Variants in ITGAD observed in about 807,000 individuals in gnomAD.
ITGAD encodes integrin subunit alpha D.
In ITGAD, 105 loss-of-function variants were observed where a neutral mutation model predicts 139.0. The observed-to-expected ratio is 0.76, with a 90% CI of 0.65 to 0.89. The LOEUF is 0.89. Ranked by LOEUF, ITGAD falls within the 40% of genes least tolerant of loss-of-function variation. The pLI, the probability that ITGAD is intolerant of heterozygous loss-of-function variation, is 0.00. For synonymous variants in ITGAD, 569 were observed against 598.3 expected (o/e 0.95, Z 0.71); for missense variants, 1,384 against 1,487.3 (o/e 0.93, Z 1.14).
chr16:31,414,546 A>C lies in ITGAD; in HGVS notation c.2092A>C (p.Thr698Pro), dbSNP rs538502509. The part of the protein sequence containing the change: ...IFNETKNPTL[T>P]RRKTLGLGIH... ...CAATGAAACCAAGAACCCCACTTTGACTCGAAGAAAAACCCTGGGACTGGG... is the reference window on the plus strand; with the variant it reads ...CAATGAAACCAAGAACCCCACTTTGCCTCGAAGAAAAACCCTGGGACTGGG... The change falls in exon 17 of 30, where the codon ACT (threonine) becomes CCT (proline). Residue 698 changes from threonine to proline, a missense_variant. Transcript: ENST00000389202. 7.4e-6 allele frequency: 12 copies of C among 1,614,130 alleles called. No homozygotes were observed. In the South Asian group the frequency reaches 1.3e-4, roughly 18 times the overall value.
At position 31,407,719 on chromosome 16, in the gene ITGAD, G is replaced by T. The variant is rs779114202; in HGVS notation, c.859-47G>T. ...CAGGCTCAGCCTGCATCTCCTTCAG[G>T]TGCAGTGCTGCTGGGCTCATCCTCC... On this transcript the variant is annotated intron_variant, in intron 8 of 29. Coordinates refer to ENST00000389202, the MANE Select transcript of ITGAD (RefSeq NM_005353.3). 4 of 1,613,132 alleles carry T rather than the reference G, an allele frequency of 2.5e-6. No individual in the cohort carries two copies. The Admixed American group carries it at 6.7e-5, about 27-fold the overall frequency.
chr16:31,420,979 C>A (rs2142840085), intron 23 of ITGAD, among the ~76,000 whole-genome samples: 1 of 152,274 alleles, frequency 6.6e-6, no homozygotes. Flanking sequence ...TTTCTATCCA[C>A]AGGAAAATAC....
intron 3 of ITGAD, 42 bp downstream of exon 3, chr16:31,397,504 A>G (rs2142584736): frequency 6.3e-7 from 1 of 1,579,904 alleles, no homozygotes; most frequent in East Asian, 2.3e-5. Flanking sequence ...ACCCTCCTGG[A>G]CCCAACTGTG....
intron 2 of ITGAD, among the ~76,000 whole-genome samples, chr16:31,395,452 G>A (rs980094208): frequency 1.3e-4 from 20 of 152,182 alleles, no homozygotes; most frequent in Non-Finnish European, 2.9e-4. Context: ...CCATGTGGGA[G>A]CAATGACCGC....
chr16:31,397,696 T>TGGGGGGGGGGGGG, intron 4 of ITGAD, 30 bp downstream of exon 4: 2 of 209,020 alleles, frequency 9.6e-6, no homozygotes, highest in Non-Finnish European at 1.6e-5. Flanking sequence ...CACGGGGGGG[T>TGGGGGGGGGGGGG]GGGGTGGGGC....
chr16:31,398,257 TACAAA>T (rs59039979), intron 5 of ITGAD, among the ~76,000 whole-genome samples: 4 of 148,956 alleles, frequency 2.7e-5, no homozygotes, highest in Admixed American at 1.3e-4. Context: ...CTACTAAAAA[TACAAA>T]ACAAAACAAA....
At chr16:31,421,006 C>T (rs543790010) in intron 23 of ITGAD, among the ~76,000 whole-genome samples, 1 of 152,292 alleles carries the variant, frequency 6.6e-6, no homozygotes, top group East Asian at 1.9e-4. Context: ...TAAGAGCTTA[C>T]AGTTATATAT....
rs752658398 is a variant in ITGAD, at chr16:31,416,592, G to A, written c.2445G>A (p.Val815=). Residue 815 remains valine (V), a synonymous_variant, in exon 20 of 30, where the codon GTG becomes GTA. Transcript: ENST00000389202. ...WNAGEDSYGT[V]VSLYYPAGLS... ...CAGGTGAGGATTCCTACGGAACCGTGGTCAGCCTCTACTATCCAGCAGGGC... is the reference window on the plus strand; with the variant it reads ...CAGGTGAGGATTCCTACGGAACCGTAGTCAGCCTCTACTATCCAGCAGGGC... 6.2e-7 allele frequency: 1 copy of A among 1,613,860 alleles called. No homozygotes were observed. The highest frequency in any genetic ancestry group is 8.5e-7 in the Non-Finnish European group (1 of 1,179,822).
intron 1 of ITGAD, 151 bp from the exon 2 acceptor site, chr16:31,394,085 C>T (rs1040894840): frequency 9.5e-5 from 47 of 493,228 alleles, no homozygotes; most frequent in Non-Finnish European, 1.3e-4. Context: ...GAGCTGAGAT[C>T]GTGCCGTTGC....
chr16:31,411,940 T>C lies in ITGAD; in HGVS notation c.1707+423T>C, dbSNP rs533195829. 3.9e-5 allele frequency among the ~76,000 whole-genome samples: 6 copies of C among 152,350 alleles called. No homozygotes were observed. In the South Asian group the frequency reaches 8.3e-4, roughly 21 times the overall value. On this transcript the variant is annotated intron_variant, in intron 14 of 29. Transcript: ENST00000389202. ...CATGAGTGACCTGACCAGTGATGAATACACAAATATATTATACGCCTATTG... is the reference window on the plus strand; with the variant it reads ...CATGAGTGACCTGACCAGTGATGAACACACAAATATATTATACGCCTATTG...
chr16:31,407,327 G>A (rs1436283278), intron 7 of ITGAD, among the ~76,000 whole-genome samples, 188 bp from the exon 8 acceptor site: 1 of 152,126 alleles, frequency 6.6e-6, no homozygotes, highest in Non-Finnish European at 1.5e-5. Context: ...GCACTCCAGA[G>A]CCTGGGCATC....
In ITGAD at chr16:31,403,718, T is replaced by C; in HGVS notation, c.704+73T>C. The C allele has an allele frequency of 1.3e-6, 2 of 1,572,614 alleles. No individual in the cohort carries two copies. The highest frequency in any genetic ancestry group is 2.3e-5 in the South Asian group (2 of 88,432). ...TCCTAACCCTGGGTCAGCACAGCTC[T>C]TCTCAGAGGCTGAGGGAGGCTCCAG... On this transcript the variant is annotated intron_variant, in intron 7 of 29. Coordinates refer to ENST00000389202, the MANE Select transcript of ITGAD (RefSeq NM_005353.3). This position sits in a 1 kb window ranked among gnomAD's most constrained non-coding sequence, Gnocchi z 4.4.
chr16:31,414,959 G>A lies in ITGAD; in HGVS notation c.2251G>A (p.Ala751Thr), dbSNP rs149561058. The change falls in exon 18 of 30, where the codon GCC (alanine) becomes ACC (threonine). Residue 751 changes from alanine (A) to threonine (T), a missense_variant. Coordinates refer to ENST00000389202, the MANE Select transcript of ITGAD (RefSeq NM_005353.3). ...CCCCCAGAACCTGCGTCCTGTGCTG[G>A]CCGTGGGCTCACAAGACCTCTTCAC... ...PSPQNLRPVL[A>T]VGSQDLFTAS... The A allele has an allele frequency of 4.1e-5, 66 of 1,614,026 alleles. 1 individual carries two copies. The African/African-American group carries it at 7.5e-4, about 18-fold the overall frequency.
chr16:31,408,125 C>T (rs1385499340), intron 9 of ITGAD, among the ~76,000 whole-genome samples: 3 of 152,162 alleles, frequency 2.0e-5, no homozygotes, highest in African/African-American at 7.2e-5. Context: ...ACACGCACCA[C>T]CATGCCCAGC....
intron 10 of ITGAD, 149 bp from the exon 11 acceptor site, chr16:31,410,246 C>G: frequency 9.8e-7 from 1 of 1,020,738 alleles, no homozygotes; most frequent in Non-Finnish European, 1.4e-6. Context: ...GCTGTGGGGA[C>G]AGGCAGAGGC....
At position 31,423,420 on chromosome 16, in the gene ITGAD, G is replaced by A. The variant is rs767427285; in HGVS notation, c.2928G>A (p.Gly976=). The change falls in exon 25 of 30, where the codon GGG becomes GGA. Residue 976 remains glycine, a synonymous_variant. Coordinates refer to ENST00000389202, the MANE Select transcript of ITGAD (RefSeq NM_005353.3). ...TCTGGGTTCCTGTCCTGCTGAACGG[G>A]GTGGCTGTGTGGGATGTGGTCATGG... ...INFWVPVLLN[G]VAVWDVVMEA... 6.2e-6 allele frequency: 10 copies of A among 1,614,010 alleles called. No individual in the cohort carries two copies. The African/African-American group carries it at 1.3e-4, about 22-fold the overall frequency.
intron 10 of ITGAD, among the ~76,000 whole-genome samples, chr16:31,409,994 G>T (rs894544416): frequency 1.3e-5 from 2 of 152,060 alleles, no homozygotes; most frequent in Non-Finnish European, 2.9e-5. Context: ...AACAAGAAGG[G>T]GAGGGAGGTG....
In ITGAD at chr16:31,411,210, T is replaced by C. The variant is rs368058587; in HGVS notation, c.1491T>C (p.Pro497=). The C allele has an allele frequency of 3.7e-5, 59 of 1,613,224 alleles. No homozygotes were observed. The African/African-American group carries it at 7.5e-4, about 20-fold the overall frequency. The change falls in exon 13 of 30, where the codon CCT becomes CCC. Residue 497 remains proline, a synonymous_variant. Coordinates refer to ENST00000389202, the MANE Select transcript of ITGAD (RefSeq NM_005353.3). ...GCCAGGTGTCCGTGTGTCCCTTGCC[T>C]AGGGGGGTGAGTGGCTGATGGGACC... ...RGGQVSVCPL[P]RGRVQWQCDA... is the part of the protein sequence containing the mutation.
rs1248071460 is a variant in ITGAD at position 31,402,117 on chromosome 16, T to C, written c.430T>C (p.Cys144Arg). 1 of 1,613,536 alleles carries C rather than the reference T, an allele frequency of 6.2e-7. No individual in the cohort carries two copies. Residue 144 changes from cysteine to arginine, a missense_variant and splice_region_variant, in exon 6 of 30, where the codon TGT becomes CGT. Cys to Arg is a radical substitution (Grantham distance 180, BLOSUM62 -3). Transcript: ENST00000389202. ...IQTVPDATPE[C>R]PHQEMDIVFL... Reference sequence around the variant, plus strand: ...GATTCCTCCCCATTCCCCCACAGAGTGTCCACATCAAGAGATGGACATCGT... The same window carrying C: ...GATTCCTCCCCATTCCCCCACAGAGCGTCCACATCAAGAGATGGACATCGT...
Sources: gnomAD v4.1 joint callset for allele counts (sites outside exome capture counted in the v4.1 genomes callset) on GRCh38, gnomAD v4.1.1 for gene constraint, Gnocchi (gnomAD v3.1) non-coding constraint, MANE v1.5 for transcripts, NCBI Gene and HGNC (gene_info 2026-07-23, HGNC 2026-07-21) for gene names.